The following PCDHA4 variants were observed in gnomAD, a reference collection of about 807,000 sequenced individuals.
PCDHA4 encodes the protein protocadherin alpha 4.
In PCDHA4, 49 loss-of-function variants were observed where a neutral mutation model predicts 61.4. The observed-to-expected ratio is 0.80, with a 90% CI of 0.63 to 1.01. The LOEUF (loss-of-function observed/expected upper bound fraction) is 1.01. Ranked by LOEUF, PCDHA4 falls within the 50% of genes least tolerant of loss-of-function variation. PCDHA4 has a pLI of 0.00. For synonymous variants in PCDHA4, 590 were observed against 550.3 expected, an observed-to-expected ratio of 1.07 and a Z score of -1.01; for missense variants, 1,254 against 1,235.8, an observed-to-expected ratio of 1.01 and a Z score of -0.22.
At chr5:140,951,247 A>G (rs185452142) in intron 1 of PCDHA4, among the ~76,000 whole-genome samples, 1 of 152,230 alleles carries the variant, frequency 6.6e-6, no homozygotes, top group Non-Finnish European at 1.5e-5. Context: ...TTAGGAATGC[A>G]TCACATTTTT....
At chr5:140,876,625 G>A (rs2056468121) in intron 1 of PCDHA4, 1 of 1,614,192 alleles carries the variant, frequency 6.2e-7, no homozygotes. Context: ...CAATGGACAG[G>A]TCATCTGCTC....
At chr5:140,824,949 A>C (rs1182426968) in intron 1 of PCDHA4, 1 of 152,150 alleles carries the variant, frequency 6.6e-6, no homozygotes, top group Non-Finnish European at 1.5e-5. Context: ...TAATTTAAAA[A>C]TTATATTTTT....
chr5:140,928,889 A>T, intron 1 of PCDHA4: 2 of 1,614,118 alleles, frequency 1.2e-6, no homozygotes, highest in Non-Finnish European at 1.7e-6. Flanking sequence ...TTACTTCCAG[A>T]CTTTGAAGAT....
intron 1 of PCDHA4, among the ~76,000 whole-genome samples, chr5:140,977,977 C>T (rs193229659): frequency 2.0e-5 from 3 of 152,222 alleles, no homozygotes; most frequent in South Asian, 2.1e-4. Context: ...CCCATGAAAA[C>T]GCATCTAGAG....
intron 1 of PCDHA4, chr5:140,812,200 G>T (rs1765059673): frequency 6.6e-6 from 1 of 151,378 alleles, no homozygotes; most frequent in South Asian, 2.1e-4. Flanking sequence ...CTCCTTACTA[G>T]TTACAGCTTT....
At chr5:140,982,074 T>TAGAGAACCTAGGAACA (rs1554243726) in intron 2 of PCDHA4, among the ~76,000 whole-genome samples, 1 of 151,090 alleles carries the variant, frequency 6.6e-6, no homozygotes, top group Non-Finnish European at 1.5e-5. Flanking sequence ...TTCTTTAGAG[T>TAGAGAACCTAGGAACA]AGAGAACCTA....
At chr5:140,965,716 C>T (rs75761543) in intron 1 of PCDHA4, among the ~76,000 whole-genome samples, 2,507 of 152,272 alleles carry the variant, frequency 0.016, 70 homozygotes, top group African/African-American at 0.056. Flanking sequence ...AGAAGAATCT[C>T]TTTAAAAATT....
intron 1 of PCDHA4, among the ~76,000 whole-genome samples, chr5:140,916,133 G>A (rs2077446110): frequency 6.6e-6 from 1 of 152,114 alleles, no homozygotes; most frequent in Non-Finnish European, 1.5e-5. Flanking sequence ...AAGCTTAAGG[G>A]CTGTTCAGTT....
chr5:140,961,037 A>C (rs1222978592), intron 1 of PCDHA4, among the ~76,000 whole-genome samples: 2 of 152,188 alleles, frequency 1.3e-5, no homozygotes, highest in African/African-American at 4.8e-5. Flanking sequence ...CCTTGTTTTG[A>C]GTCATTAACA....
chr5:140,808,983 C>T lies in PCDHA4; in HGVS notation c.1796C>T (p.Ala599Val). The change falls in exon 1 of 4, where the codon GCT becomes GTT. Residue 599 changes from alanine to valine, a missense_variant. Physicochemically the swap from Ala to Val is moderately conservative, Grantham distance 64 (BLOSUM62 0). Coordinates refer to ENST00000530339, the MANE Select transcript of PCDHA4 (RefSeq NM_018907.4). ...HVVAKVRAVD[A>V]DSGYNAWLSY... ...GTGGCAAAGGTGCGCGCGGTGGATGCTGACTCGGGCTACAACGCGTGGCTT... is the reference window on the plus strand; with the variant it reads ...GTGGCAAAGGTGCGCGCGGTGGATGTTGACTCGGGCTACAACGCGTGGCTT... 2 of 1,613,648 alleles carry T rather than the reference C, an allele frequency of 1.2e-6. No homozygotes were observed. The highest frequency in any genetic ancestry group is 2.2e-5 in the East Asian group (1 of 44,866).
intron 1 of PCDHA4, chr5:140,834,345 C>T: frequency 2.0e-6 from 3 of 1,521,606 alleles, no homozygotes; most frequent in Non-Finnish European, 2.7e-6. Context: ...AATTCGAAGG[C>T]AAGTTTTGCT....
chr5:140,932,101 T>G (rs1281828369), intron 1 of PCDHA4, among the ~76,000 whole-genome samples: 6 of 151,958 alleles, frequency 3.9e-5, no homozygotes, highest in Non-Finnish European at 8.8e-5. Context: ...TTTTTATCTC[T>G]GTATTTCCAA....
intron 1 of PCDHA4, among the ~76,000 whole-genome samples, chr5:140,890,543 C>T (rs1388914629): frequency 6.6e-6 from 1 of 152,012 alleles, no homozygotes; most frequent in Non-Finnish European, 1.5e-5. Context: ...TTTGAAATGA[C>T]TGAGTACTTT....
chr5:140,952,767 A>T (rs912245909), intron 1 of PCDHA4, among the ~76,000 whole-genome samples: 13 of 152,298 alleles, frequency 8.5e-5, no homozygotes, highest in African/African-American at 2.9e-4. Flanking sequence ...GAGACTGGAT[A>T]ATTTAGAAAG....
chr5:140,961,336 G>C (rs2095605046), intron 1 of PCDHA4, among the ~76,000 whole-genome samples: 1 of 152,178 alleles, frequency 6.6e-6, no homozygotes, highest in African/African-American at 2.4e-5. Context: ...GAGAGACCAA[G>C]AGTGGATCCC....
At chr5:140,846,011 AAAAGTTATTAC>A (rs1554141096) in intron 1 of PCDHA4, among the ~76,000 whole-genome samples, 1 of 149,770 alleles carries the variant, frequency 6.7e-6, no homozygotes, top group Non-Finnish European at 1.5e-5. Flanking sequence ...AAAAAAATCT[AAAAGTTATTAC>A]GAGTTTAGGA....
At chr5:140,960,400 G>T (rs566510688) in intron 1 of PCDHA4, among the ~76,000 whole-genome samples, 4 of 152,114 alleles carry the variant, frequency 2.6e-5, no homozygotes, top group African/African-American at 9.6e-5. Context: ...ATGCAAGGGG[G>T]GGTGCCCAAA....
intron 1 of PCDHA4, chr5:140,929,214 G>A: frequency 1.2e-6 from 2 of 1,614,076 alleles, no homozygotes; most frequent in Non-Finnish European, 1.7e-6. Context: ...TGCGTGGGGA[G>A]TACAATGCTG....
At chr5:140,909,451 G>T (rs1433382775) in intron 1 of PCDHA4, among the ~76,000 whole-genome samples, 1 of 152,216 alleles carries the variant, frequency 6.6e-6, no homozygotes, top group African/African-American at 2.4e-5. Flanking sequence ...CATTCTCCAA[G>T]ATCCATCTGT....
Sources: allele counts gnomAD v4.1 joint callset (sites outside exome capture counted in the v4.1 genomes callset), GRCh38; gene constraint gnomAD v4.1.1; transcripts MANE v1.5; gene names NCBI Gene and HGNC (gene_info 2026-07-23, HGNC 2026-07-21).